CNTNAP2: variants seen among roughly 807,000 people sequenced by gnomAD.
CNTNAP2 encodes the protein contactin-associated protein-like 2.
CNTNAP2 carries 98 observed loss-of-function variants against 155.2 expected under a neutral mutation model. That is an observed-to-expected ratio of 0.63 (90% CI 0.54 to 0.75). CNTNAP2 has a LOEUF of 0.75. Ranked by LOEUF, CNTNAP2 falls within the 30% of genes least tolerant of loss-of-function variation. The pLI, the probability that CNTNAP2 is intolerant of heterozygous loss-of-function variation, is 0.00. For missense variants in CNTNAP2, 1,727 were observed against 1,688.1 expected, an observed-to-expected ratio of 1.02 and a Z score of -0.40; for synonymous variants, 651 against 631.2, an observed-to-expected ratio of 1.03 and a Z score of -0.47.
intron 1 of CNTNAP2, among the ~76,000 whole-genome samples, chr7:146,414,003 G>C (rs1795902992): frequency 6.6e-6 from 1 of 152,202 alleles, no homozygotes; most frequent in African/African-American, 2.4e-5. Flanking sequence ...ATTGATACAA[G>C]AAAACTTAAT....
chr7:146,746,393 G>T (rs1211342167), intron 1 of CNTNAP2, among the ~76,000 whole-genome samples: 1 of 152,022 alleles, frequency 6.6e-6, no homozygotes, highest in African/African-American at 2.4e-5. Context: ...TTTGACATAT[G>T]TTTTCATTTT....
chr7:146,362,835 A>G (rs1460625077), intron 1 of CNTNAP2, among the ~76,000 whole-genome samples: 1 of 139,504 alleles, frequency 7.2e-6, no homozygotes, highest in Non-Finnish European at 1.5e-5. Flanking sequence ...CAGTGGCACG[A>G]TCTCGGCTCA....
intron 1 of CNTNAP2, among the ~76,000 whole-genome samples, chr7:146,696,993 A>T (rs193042857): frequency 1.3e-5 from 2 of 152,284 alleles, no homozygotes; most frequent in African/African-American, 4.8e-5. Context: ...GTGTTGTCAG[A>T]TGGTGTAATT....
At chr7:147,474,980 G>A (rs528728716) in intron 10 of CNTNAP2, among the ~76,000 whole-genome samples, 2 of 152,278 alleles carry the variant, frequency 1.3e-5, no homozygotes, top group South Asian at 2.1e-4. Context: ...ACAAATGGAA[G>A]CATATTATAA....
At chr7:147,865,271 T>C (rs1277170505) in intron 13 of CNTNAP2, among the ~76,000 whole-genome samples, 4 of 152,220 alleles carry the variant, frequency 2.6e-5, no homozygotes, top group African/African-American at 7.2e-5. Flanking sequence ...ATCCCAGGGA[T>C]GAAGCTGACT....
At chr7:147,100,638 A>G in intron 4 of CNTNAP2, among the ~76,000 whole-genome samples, 1 of 152,230 alleles carries the variant, frequency 6.6e-6, no homozygotes, top group East Asian at 1.9e-4. Context: ...TCAGACACTC[A>G]TAGTTGTAAG....
intron 3 of CNTNAP2, among the ~76,000 whole-genome samples, chr7:147,030,895 A>C (rs1799019698): frequency 6.6e-6 from 1 of 152,200 alleles, no homozygotes. Context: ...AAAAATATAT[A>C]TAATAGATAT....
At chr7:146,137,852 A>T (rs1255884961) in intron 1 of CNTNAP2, among the ~76,000 whole-genome samples, 1 of 151,896 alleles carries the variant, frequency 6.6e-6, no homozygotes, top group African/African-American at 2.4e-5. Context: ...TTTTTATTTT[A>T]AAAATAAACA....
intron 1 of CNTNAP2, among the ~76,000 whole-genome samples, chr7:146,120,720 G>C (rs1797549159): frequency 6.6e-6 from 1 of 151,966 alleles, no homozygotes; most frequent in South Asian, 2.1e-4. Context: ...TATTTTTACT[G>C]TATCTTTTCC....
intron 13 of CNTNAP2, among the ~76,000 whole-genome samples, chr7:147,881,336 T>C (rs1799517141): frequency 6.6e-6 from 1 of 152,194 alleles, no homozygotes; most frequent in Non-Finnish European, 1.5e-5. Flanking sequence ...ACTAGACTTA[T>C]GTGGCATTAG....
chr7:148,161,300 G>C (rs769651285), intron 17 of CNTNAP2, among the ~76,000 whole-genome samples: 12 of 152,110 alleles, frequency 7.9e-5, no homozygotes, highest in Middle Eastern at 3.4e-3. Context: ...CCCTTATTTC[G>C]CAGTGCTTGC....
chr7:146,351,090 T>A (rs1027384814), intron 1 of CNTNAP2, among the ~76,000 whole-genome samples: 1 of 150,286 alleles, frequency 6.7e-6, no homozygotes, highest in African/African-American at 2.5e-5. Context: ...AATGATGAGT[T>A]AATGGGTGCA....
chr7:147,784,668 G>T (rs1474800670), intron 13 of CNTNAP2, among the ~76,000 whole-genome samples: 2 of 148,492 alleles, frequency 1.3e-5, no homozygotes, highest in African/African-American at 2.5e-5. Context: ...GTAATTGAAG[G>T]TTTTCCAGTA....
chr7:147,661,466 G>A (rs1397878658), intron 13 of CNTNAP2, among the ~76,000 whole-genome samples: 3 of 151,854 alleles, frequency 2.0e-5, no homozygotes, highest in Non-Finnish European at 4.4e-5. Flanking sequence ...AGTAGTACCT[G>A]TTGTATGCCT....
rs566135797 is a variant in CNTNAP2, at chr7:147,891,510, T to C, written c.2099-12055T>C. On this transcript the variant is annotated intron_variant, in intron 13 of 23. Coordinates refer to ENST00000361727, the MANE Select transcript of CNTNAP2 (RefSeq NM_014141.6). The stretch of plus-strand genomic sequence containing the variant: ...GAGCCACCACGCCCAGCCAACAAAT[T>C]GATTTTTTGAAGAGACTAACAAAAT... 5.1e-3 allele frequency among the ~76,000 whole-genome samples: 779 copies of C among 152,242 alleles called. 9 individuals carry two copies. Among genetic ancestry groups the C allele is most frequent in the Non-Finnish European group, 7.9e-3 (538 of 68,014 alleles).
intron 1 of CNTNAP2, among the ~76,000 whole-genome samples, chr7:146,157,299 T>G (rs1050988754): frequency 1.3e-5 from 2 of 152,158 alleles, no homozygotes; most frequent in African/African-American, 4.8e-5. Flanking sequence ...GATGGCCGAA[T>G]AAGAACAGCT....
intron 13 of CNTNAP2, among the ~76,000 whole-genome samples, chr7:147,703,214 C>T (rs1035584707): frequency 2.0e-5 from 3 of 152,124 alleles, no homozygotes; most frequent in East Asian, 1.9e-4. Flanking sequence ...TCCCAGATCA[C>T]TCTAATTAGA....
intron 1 of CNTNAP2, among the ~76,000 whole-genome samples, chr7:146,766,670 T>C (rs1297989979): frequency 6.6e-6 from 1 of 152,182 alleles, no homozygotes; most frequent in East Asian, 1.9e-4. Context: ...CTGTGATAAC[T>C]CAATGAGATG....
intron 11 of CNTNAP2, among the ~76,000 whole-genome samples, chr7:147,502,379 A>G (rs971840107): frequency 1.3e-5 from 2 of 152,164 alleles, no homozygotes; most frequent in Non-Finnish European, 2.9e-5. Flanking sequence ...AAGTGAAATA[A>G]GCCAGACAGA....
Sources: gnomAD v4.1 joint callset for allele counts (sites outside exome capture counted in the v4.1 genomes callset) on GRCh38, gnomAD v4.1.1 for gene constraint, MANE v1.5 for transcripts, NCBI Gene and HGNC (gene_info 2026-07-23, HGNC 2026-07-21) for gene names.